The following VPS41 variants were observed in gnomAD, a reference collection of about 807,000 sequenced individuals.
VPS41 encodes the protein vacuolar protein sorting-associated protein 41 homolog.
In VPS41, 85 loss-of-function variants were observed where a neutral mutation model predicts 130.9. That is an observed-to-expected ratio of 0.65 (90% CI 0.55 to 0.78). The LOEUF is 0.78. Ranked by LOEUF, VPS41 falls within the 30% of genes least tolerant of loss-of-function variation. The pLI, the probability that VPS41 is intolerant of heterozygous loss-of-function variation, is 0.00. For missense variants in VPS41, 874 were observed against 1,018.7 expected, an observed-to-expected ratio of 0.86 and a Z score of 1.93; for synonymous variants, 335 against 332.9, an observed-to-expected ratio of 1.01 and a Z score of -0.07.
At chr7:38,828,383 T>C (rs924832920) in intron 5 of VPS41, among the ~76,000 whole-genome samples, 4 of 152,198 alleles carry the variant, frequency 2.6e-5, no homozygotes, top group Non-Finnish European at 5.9e-5. Context: ...GAATTATGAC[T>C]TGAAAACTGA....
At chr7:38,869,419 A>G (rs1385284942) in intron 2 of VPS41, among the ~76,000 whole-genome samples, 166 bp from the exon 3 acceptor site, 1 of 152,238 alleles carries the variant, frequency 6.6e-6, no homozygotes, top group Non-Finnish European at 1.5e-5. Flanking sequence ...GCCTAGGTAT[A>G]TCAATTGCTG....
chr7:38,740,679 G>A (rs1795863088), intron 25 of VPS41, among the ~76,000 whole-genome samples: 1 of 152,080 alleles, frequency 6.6e-6, no homozygotes, highest in Non-Finnish European at 1.5e-5. Flanking sequence ...AAAGCTCTCC[G>A]GAGTGAAGGC....
intron 19 of VPS41, among the ~76,000 whole-genome samples, chr7:38,755,248 C>T (rs1180616925): frequency 6.6e-6 from 1 of 152,188 alleles, no homozygotes; most frequent in Non-Finnish European, 1.5e-5. Flanking sequence ...CGGATACCTT[C>T]ACACCTTCTC....
intron 4 of VPS41, among the ~76,000 whole-genome samples, chr7:38,838,449 G>C (rs1351989285): frequency 6.6e-6 from 1 of 152,194 alleles, no homozygotes. Flanking sequence ...GAAAGTGAAA[G>C]AGATGAGAGA....
chr7:38,759,009 A>G (rs1014801106), intron 17 of VPS41, among the ~76,000 whole-genome samples: 6 of 152,328 alleles, frequency 3.9e-5, no homozygotes, highest in Non-Finnish European at 8.8e-5. Context: ...ATCCTTTGCA[A>G]TATTCTTTAT....
At chr7:38,773,682 G>T (rs1784198023) in intron 12 of VPS41, among the ~76,000 whole-genome samples, 1 of 152,150 alleles carries the variant, frequency 6.6e-6, no homozygotes, top group Non-Finnish European at 1.5e-5. Flanking sequence ...CCTAAAATGT[G>T]CCAGAAGTCT....
At chr7:38,846,516 G>A (rs755605690) in intron 4 of VPS41, among the ~76,000 whole-genome samples, 11 of 152,212 alleles carry the variant, frequency 7.2e-5, no homozygotes, top group Non-Finnish European at 1.6e-4. Context: ...TAGGCGCAAT[G>A]CAGGGGACCA....
chr7:38,741,541 C>T (rs1038979397), intron 25 of VPS41, among the ~76,000 whole-genome samples: 5 of 152,192 alleles, frequency 3.3e-5, no homozygotes, highest in African/African-American at 1.2e-4. Flanking sequence ...CAACAGACTA[C>T]TGAATGGCTT....
intron 4 of VPS41, among the ~76,000 whole-genome samples, chr7:38,847,410 A>G (rs1785749467): frequency 6.6e-6 from 1 of 152,198 alleles, no homozygotes; most frequent in Admixed American, 6.5e-5. Context: ...CCCAGAGAAC[A>G]TTCCCTAGAG....
intron 4 of VPS41, among the ~76,000 whole-genome samples, chr7:38,856,113 A>T (rs988194325): frequency 6.6e-6 from 1 of 152,038 alleles, no homozygotes; most frequent in Non-Finnish European, 1.5e-5. Context: ...CACTAATCTC[A>T]TCTTGAGGAC....
intron 16 of VPS41, among the ~76,000 whole-genome samples, 189 bp downstream of exon 16, chr7:38,765,391 T>C (rs1784018619): frequency 1.2e-5 from 1 of 80,698 alleles, no homozygotes; most frequent in Non-Finnish European, 2.3e-5. Context: ...GTAATAAATA[T>C]ATAATCTTAT....
chr7:38,787,971 C>T (rs1333365836), intron 10 of VPS41, among the ~76,000 whole-genome samples: 4 of 152,152 alleles, frequency 2.6e-5, no homozygotes, highest in African/African-American at 9.7e-5. Context: ...ATGAACCACA[C>T]TGCAATAATG....
chr7:38,727,061 A>T, intron 27 of VPS41, 73 bp from the exon 28 acceptor site: 1 of 1,351,736 alleles, frequency 7.4e-7, no homozygotes, highest in Non-Finnish European at 9.7e-7. Flanking sequence ...ATCCCGACTG[A>T]AAGTCGAGTT....
chr7:38,777,199 T>G (rs1784275525), intron 10 of VPS41, among the ~76,000 whole-genome samples: 1 of 152,042 alleles, frequency 6.6e-6, no homozygotes, highest in Admixed American at 6.6e-5. Flanking sequence ...AGTACAAAGG[T>G]CACAAAGAAT....
intron 13 of VPS41, 108 bp downstream of exon 13, chr7:38,772,414 G>T: frequency 1.4e-6 from 1 of 730,670 alleles, no homozygotes; most frequent in Non-Finnish European, 2.1e-6. Context: ...TTTTTGGCTT[G>T]GGAAACTCTA....
At chr7:38,858,721 T>C (rs533141544) in intron 4 of VPS41, among the ~76,000 whole-genome samples, 1 of 152,344 alleles carries the variant, frequency 6.6e-6, no homozygotes, top group East Asian at 1.9e-4. Flanking sequence ...GATGCTAGTG[T>C]AAACAAACCT....
chr7:38,727,611 C>A (rs925875205), intron 27 of VPS41, among the ~76,000 whole-genome samples: 1 of 152,156 alleles, frequency 6.6e-6, no homozygotes, highest in Non-Finnish European at 1.5e-5. Flanking sequence ...TGGAAGCTCA[C>A]TTCTTCACCT....
Position 38,758,169 on chromosome 7 carries a change from T to C in VPS41, c.1550+185A>G, listed in dbSNP as rs1265813614. On this transcript the variant is annotated intron_variant, in intron 18 of 28. Transcript: ENST00000310301. ...CTCTGGGAAACAGATTACATTGCAA[T>C]TGTACAGTTTCACACATGTCCTTAT... Among the ~76,000 whole-genome samples, 3 of 152,164 alleles carry C rather than the reference T, an allele frequency of 2.0e-5. No homozygotes were observed. In the South Asian group the frequency reaches 6.2e-4, roughly 32 times the overall value.
chr7:38,760,575 TA>T (rs200375427), intron 17 of VPS41, among the ~76,000 whole-genome samples: 11,115 of 152,116 alleles, frequency 0.073, 474 homozygotes, highest in African/African-American at 0.11. Context: ...TTTATTTATT[TA>T]TTTTTAAAAT....
Sources: allele counts gnomAD v4.1 joint callset (sites outside exome capture counted in the v4.1 genomes callset), GRCh38; gene constraint gnomAD v4.1.1; transcripts MANE v1.5; gene names NCBI Gene and HGNC (gene_info 2026-07-23, HGNC 2026-07-21).